USB1: variants seen among roughly 807,000 people sequenced by gnomAD.
USB1 encodes U6 snRNA biogenesis phosphodiesterase 1, also known as U6 snRNA phosphodiesterase 1.
Under a neutral mutation model 29.9 loss-of-function variants are expected in USB1, and 21 were observed. The ratio of observed to expected loss-of-function variants is 0.70; its 90% CI spans 0.50 to 1.01. USB1 has a LOEUF of 1.01. Among genes scored for constraint, USB1 ranks in the 50% least tolerant of loss-of-function variants. The pLI, the probability that USB1 is intolerant of heterozygous loss-of-function variation, is 0.00. For synonymous variants in USB1, 143 were observed against 134.9 expected, an observed-to-expected ratio of 1.06 and a Z score of -0.42; for missense variants, 330 against 347.1, an observed-to-expected ratio of 0.95 and a Z score of 0.39.
intron 3 of USB1, chr16:58,012,083 A>G: frequency 7.5e-7 from 1 of 1,324,616 alleles, no homozygotes; most frequent in East Asian, 2.8e-5. Context: ...CCATTCCCAC[A>G]GTTCAGGGGG....
At chr16:58,001,358 CG>C, upstream of USB1, 1 of 1,128,634 alleles carries the variant, frequency 8.9e-7, no homozygotes, top group East Asian at 2.6e-5. Flanking sequence ...CCGCCCCTCC[CG>C]GCTCCGCCCC....
Position 58,013,385 on chromosome 16 carries a change from C to T in USB1, c.450-888C>T. On this transcript the variant is annotated intron_variant, in intron 3 of 6. Transcript: ENST00000219281. The surrounding 1 kb of genome is among the most constrained non-coding windows in gnomAD (Gnocchi z 4.3). ...GAGAGTTGGCTGACTGACTTTTGCC[C>T]TTGGGCAGATTGTGAGGCTCTACCC... 2 of 985,446 alleles carry T rather than the reference C, an allele frequency of 2.0e-6. No homozygotes were observed. The highest frequency in any genetic ancestry group is 2.4e-6 in the Non-Finnish European group (2 of 829,964). 61.0% of individuals were successfully genotyped at this position (985,446 alleles called of 1,614,324 possible).
rs531886363 is a variant in USB1, at chr16:58,002,588, C to A, written c.208C>A (p.Arg70=). The part of the protein sequence containing the change: ...PEDDSTKHGG[R]VRTFPHERGN... ...AGATGACAGCACAAAACACGGGGGA[C>A]GGGTGCGCACCTTCCCCCACGAGCG... is the stretch of plus-strand genomic sequence containing the variant. The change falls in exon 2 of 7, where the codon CGG becomes AGG. Residue 70 remains arginine (R), a synonymous_variant. Transcript: ENST00000219281. The A allele has an allele frequency of 6.2e-7, 1 of 1,613,878 alleles. No homozygotes were observed. The highest frequency in any genetic ancestry group is 2.2e-5 in the East Asian group (1 of 44,882).
Position 58,020,551 on chromosome 16 carries a change from C to T in USB1, c.*306C>T. ...TCTTCTCTCTCTTCCCCTCCTGTCTCTCCTCCCCTCCTCTCTTCCTCTCCT... is the reference window on the plus strand; with the variant it reads ...TCTTCTCTCTCTTCCCCTCCTGTCTTTCCTCCCCTCCTCTCTTCCTCTCCT... On this transcript the variant is annotated 3_prime_UTR_variant, in exon 7 of 7. Coordinates refer to ENST00000219281, the MANE Select transcript of USB1 (RefSeq NM_024598.4). 1 of 281,846 alleles carries T rather than the reference C, an allele frequency of 3.5e-6. No individual in the cohort carries two copies. Among genetic ancestry groups the T allele is most frequent in the South Asian group, 2.4e-5 (1 of 41,232 alleles). The allele number at this position is 281,846 out of a possible 1,614,324, so 17.5% of individuals were successfully genotyped here.
In USB1 at chr16:58,006,908, A is replaced by T. The variant is rs552457233; in HGVS notation, c.266-3021A>T. ...GTTCCCCTCTATTCCTAGTTTTCTG[A>T]GAGTTTTTATCTTGAATGGGTATTG... On this transcript the variant is annotated intron_variant, in intron 2 of 6. Coordinates refer to ENST00000219281, the MANE Select transcript of USB1 (RefSeq NM_024598.4). Among the ~76,000 whole-genome samples, 286 of 152,212 alleles carry T rather than the reference A, an allele frequency of 1.9e-3. 1 individual carries two copies. Among genetic ancestry groups the T allele is most frequent in the Middle Eastern group, 6.8e-3 (2 of 294 alleles).
intron 2 of USB1, among the ~76,000 whole-genome samples, chr16:58,006,016 G>A (rs182910148): frequency 3.9e-4 from 60 of 151,950 alleles, no homozygotes; most frequent in Admixed American, 3.5e-3. Context: ...AATTTTTTTT[G>A]GTAGTTCTTT....
intron 2 of USB1, among the ~76,000 whole-genome samples, chr16:58,005,871 G>C (rs1252284341): frequency 6.6e-6 from 1 of 152,112 alleles, no homozygotes; most frequent in Non-Finnish European, 1.5e-5. Context: ...GGGGTGCTAA[G>C]GTAAACCCTG....
rs1031962328 is a variant in USB1, at chr16:58,011,219, A to G, written c.449+1107A>G. 2.7e-6 allele frequency: 4 copies of G among 1,496,738 alleles called. No homozygotes were observed. In the African/African-American group the frequency reaches 5.6e-5, roughly 21 times the overall value. 92.7% of individuals were successfully genotyped at this position (1,496,738 alleles called of 1,614,324 possible). A position where few individuals can be genotyped will look rare whatever the true frequency, so the allele number is the denominator to read the frequency against. On this transcript the variant is annotated intron_variant, in intron 3 of 6. Transcript: ENST00000219281. ...TGTCAGGAACTGGAGGCTGAGACCAACACATATGTTATCATTTCACAGTGA... is the reference window on the plus strand; with the variant it reads ...TGTCAGGAACTGGAGGCTGAGACCAGCACATATGTTATCATTTCACAGTGA...
intron 3 of USB1, 113 bp downstream of exon 3, chr16:58,010,225 C>T (rs1023197172): frequency 2.3e-5 from 30 of 1,317,066 alleles, no homozygotes; most frequent in East Asian, 7.4e-5. Flanking sequence ...AGATAGAACA[C>T]GGCCCCTCTC....
chr16:58,011,876 G>GT, intron 3 of USB1: 2 of 997,732 alleles, frequency 2.0e-6, no homozygotes, highest in Non-Finnish European at 2.4e-6. Flanking sequence ...TTGAGTCATG[G>GT]TGCGGGAATG....
intron 2 of USB1, among the ~76,000 whole-genome samples, chr16:58,009,271 G>A (rs1401017198): frequency 3.3e-5 from 5 of 152,148 alleles, no homozygotes; most frequent in Admixed American, 6.5e-5. Context: ...CTTCCCACAC[G>A]CTTCTCAGAA....
chr16:58,007,549 T>G (rs781548037), intron 2 of USB1, among the ~76,000 whole-genome samples: 1 of 151,994 alleles, frequency 6.6e-6, no homozygotes, highest in Non-Finnish European at 1.5e-5. Context: ...GCCTGGCTAA[T>G]TTTTGTATTT....
In USB1 at chr16:58,018,971, G is replaced by A. The variant is rs2142313470; in HGVS notation, c.610-1G>A. The A allele has an allele frequency of 6.2e-7, 1 of 1,614,176 alleles. No individual in the cohort carries two copies. Among genetic ancestry groups the A allele is most frequent in the Non-Finnish European group, 8.5e-7 (1 of 1,180,026 alleles). ...TGCCTGCCTCTCGTTTCCCTCCCCA[G>A]GATCCTTCTTTCCACCTCAGCCTGG... On this transcript the variant is annotated splice_acceptor_variant, in intron 5 of 6. Coordinates refer to ENST00000219281, the MANE Select transcript of USB1 (RefSeq NM_024598.4). LOFTEE classifies it high-confidence loss of function.
chr16:58,000,812 C>A (rs965758641), upstream of USB1, among the ~76,000 whole-genome samples: 1 of 152,008 alleles, frequency 6.6e-6, no homozygotes, highest in African/African-American at 2.4e-5. This position sits in a 1 kb window ranked among gnomAD's most constrained non-coding sequence, Gnocchi z 4.5. Context: ...CGGGCCAGGT[C>A]GGACAAGCCG....
chr16:58,001,560 C>G lies in USB1; in HGVS notation c.77C>G (p.Pro26Arg). The G allele has an allele frequency of 6.2e-7, 1 of 1,608,744 alleles. No individual in the cohort carries two copies. Among genetic ancestry groups the G allele is most frequent in the Non-Finnish European group, 8.5e-7 (1 of 1,178,134 alleles). ...TCCGAGGACGGGATGCGGACCAGGCCGGGGGATGGGAGCCACCGTCGGTGA... is the reference window on the plus strand; with the variant it reads ...TCCGAGGACGGGATGCGGACCAGGCGGGGGGATGGGAGCCACCGTCGGTGA... Reference protein sequence around the residue: ...DESEDGMRTRPGDGSHRRGQS... With the variant: ...DESEDGMRTRRGDGSHRRGQS... Residue 26 changes from proline (P) to arginine (R), a missense_variant, in exon 1 of 7, where the codon CCG (proline) becomes CGG (arginine). Pro to Arg is a moderately radical substitution (Grantham distance 103). Transcript: ENST00000219281.
rs1250714158 is a variant in USB1 at position 58,020,466 on chromosome 16, CTCTGTCTCTCT to C, written c.*224_*234del. The C allele has an allele frequency of 3.4e-6, 2 of 594,902 alleles. No homozygotes were observed. The highest frequency in any genetic ancestry group is 5.5e-5 in the Admixed American group (2 of 36,586). The allele number at this position is 594,902 out of a possible 1,614,324, so 36.9% of individuals were successfully genotyped here. ...CTCTCTCTTCTCCTCTCTTTCTCTC[CTCTGTCTCTCT>C]TCCTCTCCTCTCTTCCTCTCTTCTC... On this transcript the variant is annotated 3_prime_UTR_variant, in exon 7 of 7. Coordinates refer to ENST00000219281, the MANE Select transcript of USB1 (RefSeq NM_024598.4).
chr16:58,004,575 T>C (rs1048237971), intron 2 of USB1, among the ~76,000 whole-genome samples: 1 of 152,128 alleles, frequency 6.6e-6, no homozygotes, highest in African/African-American at 2.4e-5. Flanking sequence ...CCACAGCACT[T>C]GGCCTGTTTT....
chr16:58,001,257 C>T, upstream of USB1: 1 of 616,908 alleles, frequency 1.6e-6, no homozygotes, highest in Non-Finnish European at 2.9e-6. Context: ...CAGCGGGGTG[C>T]CGGGAGGCTG....
intron 3 of USB1, chr16:58,011,464 G>T: frequency 9.6e-7 from 1 of 1,040,868 alleles, no homozygotes; most frequent in Non-Finnish European, 1.2e-6. Flanking sequence ...TGCTAGACTG[G>T]TCCAGATCAA....
Sources: gnomAD v4.1 joint callset for allele counts (sites outside exome capture counted in the v4.1 genomes callset) on GRCh38, gnomAD v4.1.1 for gene constraint, Gnocchi (gnomAD v3.1) non-coding constraint, MANE v1.5 for transcripts, NCBI Gene and HGNC (gene_info 2026-07-23, HGNC 2026-07-21) for gene names.